TRPM3: variants seen among roughly 807,000 people sequenced by gnomAD.
TRPM3 encodes transient receptor potential cation channel subfamily M member 3, also known as long transient receptor potential channel 3.
In TRPM3, 77 loss-of-function variants were observed where a neutral mutation model predicts 181.2. The ratio of observed to expected loss-of-function variants is 0.42; its 90% CI spans 0.35 to 0.51. TRPM3 has a LOEUF of 0.51. Among genes scored for constraint, TRPM3 ranks in the 20% least tolerant of loss-of-function variants. TRPM3 has a pLI of 0.01. For missense variants in TRPM3, 1,759 were observed against 2,196.7 expected (o/e 0.80, Z 3.98); for synonymous variants, 745 against 796.4 (o/e 0.94, Z 1.09).
intron 1 of TRPM3, among the ~76,000 whole-genome samples, chr9:70,870,601 C>G (rs1398119952): frequency 6.6e-6 from 1 of 151,858 alleles, no homozygotes; most frequent in Admixed American, 6.6e-5. Flanking sequence ...ATTTATAATA[C>G]AGAAAAAGTG....
At chr9:70,990,671 G>A (rs2097472763) in intron 1 of TRPM3, among the ~76,000 whole-genome samples, 1 of 152,090 alleles carries the variant, frequency 6.6e-6, no homozygotes. Context: ...TTTAAACTGT[G>A]TGTGTGAGTG....
rs371427235 is a variant in TRPM3, at chr9:70,765,308, G to A, written c.1149-3584C>T. Among the ~76,000 whole-genome samples the A allele has an allele frequency of 1.4e-3, 209 of 152,220 alleles. 3 individuals are homozygous for A. The South Asian group carries it at 0.019, about 14-fold the overall frequency. The stretch of plus-strand genomic sequence containing the variant: ...TAAGTAGTTTGAAGGGTATATTTGC[G>A]GGCCGGGTTTGGTGGCTTATGCCTG... On this transcript the variant is annotated intron_variant, in intron 7 of 25. Transcript: ENST00000677713.
chr9:71,446,832 C>T (rs1165518261), exon 1 of TRPM3: 2 of 1,539,988 alleles, frequency 1.3e-6, no homozygotes, highest in African/African-American at 1.4e-5. Context: ...CACTTCTTCC[C>T]CATGAGAAGT....
At chr9:71,135,049 C>T (rs959695837) in intron 1 of TRPM3, among the ~76,000 whole-genome samples, 11 of 152,170 alleles carry the variant, frequency 7.2e-5, no homozygotes, top group African/African-American at 2.2e-4. Context: ...AATCCCCAAT[C>T]ACCAAAATAC....
chr9:71,401,362 A>G (rs1017568577), intron 1 of TRPM3, among the ~76,000 whole-genome samples: 1 of 152,100 alleles, frequency 6.6e-6, no homozygotes, highest in Non-Finnish European at 1.5e-5. Context: ...CAACTGGAAA[A>G]TCTCAGAGGT....
At chr9:71,185,431 A>G (rs2077619675) in intron 1 of TRPM3, among the ~76,000 whole-genome samples, 1 of 152,100 alleles carries the variant, frequency 6.6e-6, no homozygotes, top group Non-Finnish European at 1.5e-5. Flanking sequence ...AGAAACAGTA[A>G]TAAAACAAAA....
At chr9:70,756,464 A>G (rs1376017956) in intron 8 of TRPM3, among the ~76,000 whole-genome samples, 1 of 152,158 alleles carries the variant, frequency 6.6e-6, no homozygotes, top group Non-Finnish European at 1.5e-5. Flanking sequence ...GATATTCATG[A>G]CTTGAACTCA....
At chr9:71,037,764 A>C (rs2058379272) in intron 1 of TRPM3, among the ~76,000 whole-genome samples, 1 of 152,242 alleles carries the variant, frequency 6.6e-6, no homozygotes, top group Non-Finnish European at 1.5e-5. Context: ...AATATGCAAG[A>C]GCCTATGAGC....
intron 1 of TRPM3, among the ~76,000 whole-genome samples, chr9:71,423,655 T>C (rs1020743693): frequency 1.3e-5 from 2 of 152,144 alleles, no homozygotes; most frequent in African/African-American, 4.8e-5. Flanking sequence ...TTTTTGGAAC[T>C]ATGAAATTTA....
chr9:70,823,009 A>T (rs2093305436), intron 6 of TRPM3, among the ~76,000 whole-genome samples: 2 of 152,072 alleles, frequency 1.3e-5, no homozygotes, highest in African/African-American at 4.8e-5. Context: ...CTTCTCCAGC[A>T]TCTCTGGCAT....
chr9:71,444,874 T>C (rs901085783), intron 1 of TRPM3, among the ~76,000 whole-genome samples: 7 of 152,224 alleles, frequency 4.6e-5, no homozygotes, highest in Non-Finnish European at 7.3e-5. Flanking sequence ...GCACTTATTA[T>C]TAGGGTTTTA....
chr9:71,436,446 G>A (rs1361463348), intron 1 of TRPM3, among the ~76,000 whole-genome samples: 1 of 150,952 alleles, frequency 6.6e-6, no homozygotes, highest in Non-Finnish European at 1.5e-5. Context: ...GGGATTACAG[G>A]CACGCACCAC....
At chr9:71,148,342 A>T (rs1186220177) in intron 1 of TRPM3, among the ~76,000 whole-genome samples, 1 of 152,210 alleles carries the variant, frequency 6.6e-6, no homozygotes, top group Non-Finnish European at 1.5e-5. Context: ...TTTATAAATA[A>T]CATTGGAAAT....
chr9:71,211,778 A>T (rs1206936354), intron 1 of TRPM3, among the ~76,000 whole-genome samples: 1 of 152,136 alleles, frequency 6.6e-6, no homozygotes, highest in Non-Finnish European at 1.5e-5. Context: ...TTAAGGGCCC[A>T]TTCTACTTAG....
rs200967655 is a variant in TRPM3, at chr9:70,783,939, T to C, written c.1148+166A>G. Reference sequence around the variant, plus strand: ...TCACAGGACATTTAGAATATGTTTCTCTGTTCTTCACCACAGCCCTCCCAT... The same window carrying C: ...TCACAGGACATTTAGAATATGTTTCCCTGTTCTTCACCACAGCCCTCCCAT... On this transcript the variant is annotated intron_variant, in intron 7 of 25. Coordinates refer to ENST00000677713, the MANE Select transcript of TRPM3 (RefSeq NM_001366145.2). The C allele has an allele frequency of 2.9e-6, 4 of 1,388,104 alleles. No individual in the cohort carries two copies. In the East Asian group the frequency reaches 1.1e-4, roughly 37 times the overall value. The allele number at this position is 1,388,104 out of a possible 1,614,324, so 86.0% of individuals were successfully genotyped here.
intron 1 of TRPM3, among the ~76,000 whole-genome samples, chr9:70,996,338 T>C (rs547644024): frequency 1.3e-5 from 2 of 152,258 alleles, no homozygotes; most frequent in East Asian, 1.9e-4. Context: ...CTGGGTATCA[T>C]GGGGAATCTG....
intron 14 of TRPM3, among the ~76,000 whole-genome samples, chr9:70,624,268 A>G (rs2064117355): frequency 6.6e-6 from 1 of 152,130 alleles, no homozygotes; most frequent in South Asian, 2.1e-4. Flanking sequence ...AGACCGTTGG[A>G]TTTTACTTTG....
At chr9:70,925,136 A>T (rs2096708302) in intron 1 of TRPM3, among the ~76,000 whole-genome samples, 1 of 152,200 alleles carries the variant, frequency 6.6e-6, no homozygotes, top group African/African-American at 2.4e-5. Flanking sequence ...CCTTTCCAGC[A>T]GATGGTGCTG....
intron 9 of TRPM3, among the ~76,000 whole-genome samples, chr9:70,675,061 T>A (rs1252675524): frequency 6.6e-6 from 1 of 152,074 alleles, no homozygotes; most frequent in East Asian, 1.9e-4. Context: ...CTGGCTATTC[T>A]TTTTGCATTT....
Sources: gnomAD v4.1 joint callset for allele counts (sites outside exome capture counted in the v4.1 genomes callset) on GRCh38, gnomAD v4.1.1 for gene constraint, MANE v1.5 for transcripts, NCBI Gene and HGNC (gene_info 2026-07-23, HGNC 2026-07-21) for gene names.